The following SHROOM3 variants were observed in gnomAD, a reference collection of about 807,000 sequenced individuals.
SHROOM3 encodes the protein shroom family member 3.
Under a neutral mutation model 138.6 loss-of-function variants are expected in SHROOM3, and 47 were observed. The observed-to-expected ratio is 0.34, with a 90% CI of 0.27 to 0.43. SHROOM3 has a LOEUF of 0.43. SHROOM3 is among the 20% of genes least tolerant of loss of function. The pLI is 1.00. For synonymous variants in SHROOM3, 1,062 were observed against 1,063.3 expected, an observed-to-expected ratio of 1.00 and a Z score of 0.02; for missense variants, 2,491 against 2,596.5, an observed-to-expected ratio of 0.96 and a Z score of 0.88.
rs11097384 is a variant in SHROOM3, at chr4:76,493,948, C to T, written c.168+57728C>T. ...GAGCTGAGATTATGCCACTGCACTCCAGCTTGGGCAACAAGAGTGAAACTC... is the reference window on the plus strand; with the variant it reads ...GAGCTGAGATTATGCCACTGCACTCTAGCTTGGGCAACAAGAGTGAAACTC... On this transcript the variant is annotated intron_variant, in intron 1 of 10. Coordinates refer to ENST00000296043, the MANE Select transcript of SHROOM3 (RefSeq NM_020859.4). 9.9e-3 allele frequency among the ~76,000 whole-genome samples: 1,503 copies of T among 152,264 alleles called. 24 individuals carry two copies. The highest frequency in any genetic ancestry group is 0.061 in the East Asian group (316 of 5,184).
At chr4:76,458,417 T>A (rs1189470534) in intron 1 of SHROOM3, among the ~76,000 whole-genome samples, 1 of 152,176 alleles carries the variant, frequency 6.6e-6, no homozygotes, top group Non-Finnish European at 1.5e-5. Flanking sequence ...TGTAATCTTG[T>A]TAGAGTAATG....
intron 1 of SHROOM3, 35 bp downstream of exon 1, chr4:76,436,255 A>G (rs771601995): frequency 6.2e-7 from 1 of 1,611,970 alleles, no homozygotes. Context: ...CTTTATTCAA[A>G]TTGTTTTTTT....
intron 1 of SHROOM3, among the ~76,000 whole-genome samples, chr4:76,448,614 G>A (rs561196101): frequency 2.2e-4 from 33 of 152,324 alleles, no homozygotes; most frequent in African/African-American, 5.8e-4. Flanking sequence ...GTTGCCCACA[G>A]TTGTAGCTGG....
chr4:76,661,072 C>T (rs1470733217), intron 2 of SHROOM3, among the ~76,000 whole-genome samples: 1 of 151,952 alleles, frequency 6.6e-6, no homozygotes, highest in Non-Finnish European at 1.5e-5. Context: ...GCTAGGATTA[C>T]AGGTGTGAGC....
intron 2 of SHROOM3, among the ~76,000 whole-genome samples, chr4:76,557,502 T>G (rs978414619): frequency 6.6e-6 from 1 of 152,106 alleles, no homozygotes; most frequent in African/African-American, 2.4e-5. Flanking sequence ...GGGTACAAAC[T>G]TTTAGTTATA....
intron 1 of SHROOM3, among the ~76,000 whole-genome samples, chr4:76,537,770 G>A (rs1312337734): frequency 1.3e-5 from 2 of 152,138 alleles, no homozygotes; most frequent in Admixed American, 1.3e-4. Context: ...GATGGGTGGA[G>A]CCTTCTATTC....
rs1239905244 is a variant in SHROOM3, at chr4:76,778,829, G to A, written c.5643G>A (p.Arg1881=). ...NEERSSLYEK[R]KILAGQHEDA... ...GGCAGAGCTCTCTTTACGAGAAAAG[G>A]AAGATCCTGGCTGGTCAGCATGAGG... Residue 1881 remains arginine (R), a synonymous_variant, in exon 11 of 11, where the codon AGG becomes AGA. Coordinates refer to ENST00000296043, the MANE Select transcript of SHROOM3 (RefSeq NM_020859.4). 6.2e-7 allele frequency: 1 copy of A among 1,612,228 alleles called. No homozygotes were observed. The highest frequency in any genetic ancestry group is 1.3e-5 in the African/African-American group (1 of 74,842).
intron 2 of SHROOM3, among the ~76,000 whole-genome samples, chr4:76,616,933 G>GT (rs1734895645): frequency 6.6e-6 from 1 of 152,210 alleles, no homozygotes; most frequent in African/African-American, 2.4e-5. Context: ...AGATAGTGAA[G>GT]TTAAACACAT....
chr4:76,538,614 G>T (rs1406633328), intron 1 of SHROOM3, among the ~76,000 whole-genome samples: 1 of 152,090 alleles, frequency 6.6e-6, no homozygotes, highest in African/African-American at 2.4e-5. Flanking sequence ...CTGGGTGTGG[G>T]TAGAAAAAAT....
Position 76,555,782 on chromosome 4 carries a change from C to T in SHROOM3, c.323+19C>T. On this transcript the variant is annotated intron_variant, in intron 2 of 10. Coordinates refer to ENST00000296043, the MANE Select transcript of SHROOM3 (RefSeq NM_020859.4). ...TGCGCAGGTAGGTGGCAGACCCCCA[C>T]CCTGTCCCTCCTACCACCTCACCCC... The T allele has an allele frequency of 6.2e-7, 1 of 1,608,920 alleles. No homozygotes were observed. The highest frequency in any genetic ancestry group is 8.5e-7 in the Non-Finnish European group (1 of 1,179,394).
chr4:76,514,980 C>T (rs2110007199), intron 1 of SHROOM3, among the ~76,000 whole-genome samples: 1 of 152,072 alleles, frequency 6.6e-6, no homozygotes, highest in African/African-American at 2.4e-5. Flanking sequence ...TTTGGGAGGC[C>T]AAGGTGGGTG....
chr4:76,653,036 A>G (rs1735994761), intron 2 of SHROOM3, among the ~76,000 whole-genome samples: 1 of 152,068 alleles, frequency 6.6e-6, no homozygotes, highest in Non-Finnish European at 1.5e-5. Flanking sequence ...CTATATTTAC[A>G]GTCTAACTTC....
Position 76,728,246 on chromosome 4 carries a change from C to T in SHROOM3, c.456-2558C>T, listed in dbSNP as rs553026048. The stretch of plus-strand genomic sequence containing the variant: ...TGATATGGTTTGGCTGTGTCCCCAA[C>T]AAAATCTCATCTTTAATTCCCACGT... On this transcript the variant is annotated intron_variant, in intron 3 of 10. Coordinates refer to ENST00000296043, the MANE Select transcript of SHROOM3 (RefSeq NM_020859.4). 1.6e-4 allele frequency among the ~76,000 whole-genome samples: 24 copies of T among 152,294 alleles called. No homozygotes were observed. In the South Asian group the frequency reaches 4.8e-3, roughly 30 times the overall value.
chr4:76,584,319 AG>A (rs1188926337), intron 2 of SHROOM3, among the ~76,000 whole-genome samples: 10 of 151,978 alleles, frequency 6.6e-5, no homozygotes, highest in Admixed American at 2.0e-4. Context: ...TGCATCTCAA[AG>A]AAAAAAAAAA....
At chr4:76,668,727 C>A (rs1469925662) in intron 2 of SHROOM3, among the ~76,000 whole-genome samples, 1 of 152,128 alleles carries the variant, frequency 6.6e-6, no homozygotes, top group African/African-American at 2.4e-5. Flanking sequence ...AACAGACACA[C>A]CTGCACAGTT....
chr4:76,495,910 G>A (rs1484057498), intron 1 of SHROOM3, among the ~76,000 whole-genome samples: 2 of 152,160 alleles, frequency 1.3e-5, no homozygotes, highest in African/African-American at 2.4e-5. Flanking sequence ...TCTGGCAGGC[G>A]GATGCCATAG....
chr4:76,684,207 C>A (rs909317795), intron 2 of SHROOM3, among the ~76,000 whole-genome samples: 1 of 152,182 alleles, frequency 6.6e-6, no homozygotes, highest in African/African-American at 2.4e-5. Flanking sequence ...TCAACCAAGA[C>A]TTCCCAAAAA....
chr4:76,680,580 T>C, intron 2 of SHROOM3, among the ~76,000 whole-genome samples: 1 of 152,182 alleles, frequency 6.6e-6, no homozygotes, highest in East Asian at 1.9e-4. Flanking sequence ...CCCCCATACA[T>C]GTTAAGTGCT....
At chr4:76,584,716 T>C (rs571174991) in intron 2 of SHROOM3, among the ~76,000 whole-genome samples, 42 of 152,320 alleles carry the variant, frequency 2.8e-4, no homozygotes, top group African/African-American at 9.6e-4. Context: ...TTGCACGGCC[T>C]GGCTGCTCTT....
Sources: allele counts gnomAD v4.1 joint callset (sites outside exome capture counted in the v4.1 genomes callset), GRCh38; gene constraint gnomAD v4.1.1; transcripts MANE v1.5; gene names NCBI Gene and HGNC (gene_info 2026-07-23, HGNC 2026-07-21).